Variants in FAT3 observed in about 807,000 individuals in gnomAD.
FAT3 encodes the protein protocadherin Fat 3.
In FAT3, 95 loss-of-function variants were observed where a neutral mutation model predicts 310.2. That is an observed-to-expected ratio of 0.31 (90% CI 0.26 to 0.36). The LOEUF (loss-of-function observed/expected upper bound fraction) is 0.36, where lower values mean the gene tolerates loss of function less well. Among genes scored for constraint, FAT3 ranks in the 10% least tolerant of loss-of-function variants. The probability of loss-of-function intolerance (pLI) is 1.00; values close to 1 mark genes in which losing one functional copy is unlikely to be tolerated. For missense variants in FAT3, 5,408 were observed against 5,715.6 expected, an observed-to-expected ratio of 0.95 and a Z score of 1.74; for synonymous variants, 2,314 against 2,192.9, an observed-to-expected ratio of 1.06 and a Z score of -1.54.
At chr11:92,459,557 A>G (rs985353025) in intron 2 of FAT3, among the ~76,000 whole-genome samples, 3 of 152,004 alleles carry the variant, frequency 2.0e-5, no homozygotes, top group Admixed American at 2.0e-4. Flanking sequence ...GTTCTTCACA[A>G]CTCTCTCCAA....
intron 3 of FAT3, among the ~76,000 whole-genome samples, chr11:92,678,491 T>TA (rs1297430735): frequency 6.6e-6 from 1 of 152,174 alleles, no homozygotes; most frequent in Non-Finnish European, 1.5e-5. Context: ...CCTCATGATC[T>TA]AAACACTTCC....
intron 1 of FAT3, among the ~76,000 whole-genome samples, chr11:92,237,370 T>C (rs1255723042): frequency 1.3e-5 from 2 of 152,184 alleles, no homozygotes; most frequent in African/African-American, 4.8e-5. Context: ...GCTGTGTAGA[T>C]GATACACTGG....
chr11:92,768,707 A>G (rs1946384952), intron 6 of FAT3, among the ~76,000 whole-genome samples: 1 of 152,220 alleles, frequency 6.6e-6, no homozygotes, highest in East Asian at 1.9e-4. Context: ...TCAATGCTTA[A>G]GAAACATAGC....
In FAT3 at chr11:92,799,817, G is replaced by A; in HGVS notation, c.6804G>A (p.Arg2268=). Reference sequence around the variant, plus strand: ...CCAGCGACGCCCTTACTGGTGCTAGGGCTGAAGTCACTGTTGACTTGCTAG... The same window carrying A: ...CCAGCGACGCCCTTACTGGTGCTAGAGCTGAAGTCACTGTTGACTTGCTAG... ...IRASDALTGA[R]AEVTVDLLVN... The change falls in exon 10 of 28, where the codon AGG becomes AGA. Residue 2268 remains arginine (R), a synonymous_variant. Coordinates refer to ENST00000525166, the MANE Select transcript of FAT3 (RefSeq NM_001367949.2). 6.2e-7 allele frequency: 1 copy of A among 1,613,222 alleles called. No individual in the cohort carries two copies.
chr11:92,522,789 A>T (rs1414704962), intron 2 of FAT3, among the ~76,000 whole-genome samples: 2 of 152,122 alleles, frequency 1.3e-5, no homozygotes, highest in East Asian at 3.9e-4. Context: ...CCTCATTTTA[A>T]TGCTAAAATC....
Position 92,798,634 on chromosome 11 carries a change from C to T in FAT3, c.5621C>T (p.Thr1874Ile), listed in dbSNP as rs1947242125. 2.5e-6 allele frequency: 4 copies of T among 1,613,776 alleles called. No individual in the cohort carries two copies. The East Asian group carries it at 8.9e-5, about 36-fold the overall frequency. ...CCCGTTGAAGTCAACATTGAGGTGA[C>T]AGATGTGAATGATAACCCACCTGTT... is the stretch of plus-strand genomic sequence containing the variant. ...ESPVEVNIEV[T>I]DVNDNPPVFT... Residue 1874 changes from threonine (T) to isoleucine (I), a missense_variant, in exon 10 of 28, where the codon ACA becomes ATA. Transcript: ENST00000525166.
At chr11:92,504,658 T>C (rs1218965867) in intron 2 of FAT3, among the ~76,000 whole-genome samples, 1 of 152,154 alleles carries the variant, frequency 6.6e-6, no homozygotes, top group Non-Finnish European at 1.5e-5. Context: ...GTGGAATTTA[T>C]TGATTTCCCC....
Position 92,894,402 on chromosome 11 carries a change from C to G in FAT3, c.*3289C>G, listed in dbSNP as rs878871641. On this transcript the variant is annotated 3_prime_UTR_variant, in exon 28 of 28. Coordinates refer to ENST00000525166, the MANE Select transcript of FAT3 (RefSeq NM_001367949.2). ...TTTTTCTTCCCACAAACACTGGCTA[C>G]TCTTTGTCCTACCCCCTCCACCATG... 1.3e-5 allele frequency: 2 copies of G among 152,176 alleles called. No individual in the cohort carries two copies. Among genetic ancestry groups the G allele is most frequent in the Non-Finnish European group, 2.9e-5 (2 of 68,034 alleles). The allele number at this position is 152,176 out of a possible 1,614,324, so 9.4% of individuals were successfully genotyped here.
intron 2 of FAT3, among the ~76,000 whole-genome samples, chr11:92,508,777 G>A (rs1953196084): frequency 6.6e-6 from 1 of 152,118 alleles, no homozygotes; most frequent in African/African-American, 2.4e-5. Flanking sequence ...AGAGACTCCA[G>A]ATACTCTTTG....
intron 6 of FAT3, among the ~76,000 whole-genome samples, chr11:92,765,326 A>G (rs1450926430): frequency 1.3e-5 from 2 of 152,034 alleles, no homozygotes; most frequent in Non-Finnish European, 2.9e-5. Flanking sequence ...ATAGTACGTT[A>G]TTTACTGCAA....
rs142956770 is a variant in FAT3 at position 92,270,203 on chromosome 11, A to G, written c.-18+45029A>G. On this transcript the variant is annotated intron_variant, in intron 1 of 27. Transcript: ENST00000525166. ...ATACTTTATATTCTGGACTTCAATT[A>G]TATTACCTTGCCCTGGTTTTCCTCC... is the stretch of plus-strand genomic sequence containing the variant. Among the ~76,000 whole-genome samples, 95 of 152,232 alleles carry G rather than the reference A, an allele frequency of 6.2e-4. 2 individuals carry two copies. Among genetic ancestry groups the G allele is most frequent in the Non-Finnish European group, 4.6e-4 (31 of 68,016 alleles).
chr11:92,549,700 A>T (rs2135433360), intron 3 of FAT3, among the ~76,000 whole-genome samples: 1 of 152,236 alleles, frequency 6.6e-6, no homozygotes, highest in African/African-American at 2.4e-5. Flanking sequence ...TTATATAATC[A>T]CTCCAAGTTT....
intron 24 of FAT3, among the ~76,000 whole-genome samples, chr11:92,886,430 C>T (rs1238357833): frequency 2.6e-5 from 4 of 152,116 alleles, no homozygotes; most frequent in Non-Finnish European, 4.4e-5. Flanking sequence ...GGCATATCCA[C>T]ACCACTGCCA....
In FAT3 at chr11:92,883,764, TAGTG is replaced by T. The variant is rs1050649042; in HGVS notation, c.12937+372_12937+375del. On this transcript the variant is annotated intron_variant, in intron 24 of 27. Transcript: ENST00000525166. This position sits in a 1 kb window ranked among gnomAD's most constrained non-coding sequence, Gnocchi z 4.2. ...ACTAGTTATTGTGTATAAATTATAATAGTGTGTGTGTGTCTGGGCCTATGTACAA... is the reference window on the plus strand; with the variant it reads ...ACTAGTTATTGTGTATAAATTATAATTGTGTGTGTCTGGGCCTATGTACAA... Among the ~76,000 whole-genome samples the T allele has an allele frequency of 6.6e-6, 1 of 152,106 alleles. No individual in the cohort carries two copies. Among genetic ancestry groups the T allele is most frequent in the African/African-American group, 2.4e-5 (1 of 41,408 alleles).
chr11:92,628,574 A>G (rs948562175), intron 3 of FAT3, among the ~76,000 whole-genome samples: 3 of 152,220 alleles, frequency 2.0e-5, no homozygotes, highest in Non-Finnish European at 2.9e-5. Context: ...TTAAATTGCA[A>G]TTGACAGAGT....
intron 4 of FAT3, among the ~76,000 whole-genome samples, chr11:92,724,550 A>T (rs537420538): frequency 7.4e-4 from 112 of 152,354 alleles, no homozygotes; most frequent in African/African-American, 2.6e-3. Flanking sequence ...CATCCAAGTC[A>T]CTTCAACACT....
chr11:92,229,832 A>G (rs558745965), intron 1 of FAT3, among the ~76,000 whole-genome samples: 1 of 148,992 alleles, frequency 6.7e-6, no homozygotes, highest in Non-Finnish European at 1.5e-5. Flanking sequence ...GGAAGGGATG[A>G]AAATTTGAGA....
intron 1 of FAT3, among the ~76,000 whole-genome samples, chr11:92,327,416 C>T (rs545861598): frequency 6.6e-6 from 1 of 152,100 alleles, no homozygotes; most frequent in East Asian, 1.9e-4. Flanking sequence ...TACTTTGGGG[C>T]AGAGCATTTC....
chr11:92,428,644 A>C (rs1050213269), intron 2 of FAT3, among the ~76,000 whole-genome samples: 2 of 152,142 alleles, frequency 1.3e-5, no homozygotes, highest in African/African-American at 4.8e-5. Flanking sequence ...TTATTTACTC[A>C]GTAGTCATTC....
Sources: gnomAD v4.1 joint callset for allele counts (sites outside exome capture counted in the v4.1 genomes callset) on GRCh38, gnomAD v4.1.1 for gene constraint, Gnocchi (gnomAD v3.1) non-coding constraint, MANE v1.5 for transcripts, NCBI Gene and HGNC (gene_info 2026-07-23, HGNC 2026-07-21) for gene names.